Variants in GNB4 observed in about 807,000 individuals in gnomAD.
GNB4 encodes the protein guanine nucleotide-binding protein subunit beta-4.
A neutral mutation model predicts 45.2 loss-of-function variants in GNB4; 28 were observed. The observed-to-expected ratio is 0.62, with a 90% confidence interval of 0.46 to 0.85. GNB4 has a LOEUF of 0.85. GNB4 is among the 40% of genes least tolerant of loss of function. GNB4 has a pLI of 0.00. For synonymous variants in GNB4, 132 were observed against 143.7 expected, an observed-to-expected ratio of 0.92 and a Z score of 0.58; for missense variants, 321 against 425.4, an observed-to-expected ratio of 0.75 and a Z score of 2.16.
the GNB4 span, among the ~76,000 whole-genome samples, chr3:179,492,151 C>T: frequency 1.3e-5 from 2 of 152,118 alleles, no homozygotes; most frequent in Admixed American, 1.3e-4. Flanking sequence ...TATCTCTTCC[C>T]TTTGTGGGAA....
At chr3:179,419,961 A>T (rs867642287) in intron 3 of GNB4, among the ~76,000 whole-genome samples, 69 of 151,972 alleles carry the variant, frequency 4.5e-4, no homozygotes, top group Non-Finnish European at 7.1e-4. Context: ...AAGATTTTTT[A>T]AAAATATTAG....
intron 1 of GNB4, among the ~76,000 whole-genome samples, chr3:179,448,971 A>G (rs1303582339): frequency 6.6e-6 from 1 of 152,204 alleles, no homozygotes; most frequent in Non-Finnish European, 1.5e-5. Context: ...AGAACACTGG[A>G]TCAAGAAACC....
chr3:179,523,047 T>C, the GNB4 span, among the ~76,000 whole-genome samples: 1 of 152,044 alleles, frequency 6.6e-6, no homozygotes, highest in Admixed American at 6.6e-5. Context: ...GGTTTGCTTT[T>C]GTGAGTTCAT....
rs150874722 is a variant in GNB4 at position 179,428,060 on chromosome 3, G to A, written c.-42-1818C>T. Among the ~76,000 whole-genome samples, 546 of 152,188 alleles carry A rather than the reference G, an allele frequency of 3.6e-3. 3 individuals are homozygous for A. Among genetic ancestry groups the A allele is most frequent in the Middle Eastern group, 0.01 (3 of 294 alleles). Reference sequence around the variant, plus strand: ...TGGTTTTGATGTCTATGCTACAATCGCATCAACTATGGTACAAATATCTGT... The same window carrying A: ...TGGTTTTGATGTCTATGCTACAATCACATCAACTATGGTACAAATATCTGT... On this transcript the variant is annotated intron_variant, in intron 1 of 9. Transcript: ENST00000232564.
chr3:179,407,860 ACCT>A (rs1174543009), intron 8 of GNB4, among the ~76,000 whole-genome samples: 1 of 152,144 alleles, frequency 6.6e-6, no homozygotes, highest in East Asian at 1.9e-4. Flanking sequence ...CAGAGGGAAA[ACCT>A]CATAATAACC....
At chr3:179,411,949 A>C (rs1420638588) in intron 8 of GNB4, among the ~76,000 whole-genome samples, 2 of 152,138 alleles carry the variant, frequency 1.3e-5, no homozygotes. Flanking sequence ...TGCTTAGGTA[A>C]CCTAACTCAA....
At chr3:179,462,684 C>G in the GNB4 span, among the ~76,000 whole-genome samples, 1 of 152,022 alleles carries the variant, frequency 6.6e-6, no homozygotes, top group Non-Finnish European at 1.5e-5. Context: ...ACTAAAAATA[C>G]AAAATTAGCT....
At chr3:179,477,476 C>T in the GNB4 span, among the ~76,000 whole-genome samples, 1 of 152,280 alleles carries the variant, frequency 6.6e-6, no homozygotes, top group South Asian at 2.1e-4. Flanking sequence ...ATAAGAATGG[C>T]CTTTGCTCCA....
At chr3:179,514,423 C>T in the GNB4 span, among the ~76,000 whole-genome samples, 1 of 152,188 alleles carries the variant, frequency 6.6e-6, no homozygotes, top group Admixed American at 6.5e-5. Flanking sequence ...ACTTAGGTTG[C>T]ACCTTCTCTG....
the GNB4 span, among the ~76,000 whole-genome samples, chr3:179,477,338 C>G: frequency 6.6e-6 from 1 of 152,270 alleles, no homozygotes; most frequent in Admixed American, 6.5e-5. Flanking sequence ...AGGGTAGCCA[C>G]ACAGCTCCTT....
At chr3:179,409,808 CA>C (rs56675254) in intron 8 of GNB4, among the ~76,000 whole-genome samples, 2,189 of 106,654 alleles carry the variant, frequency 0.021, 47 homozygotes, top group African/African-American at 0.078. Flanking sequence ...GACTCTGTCT[CA>C]AAAAAAAAAA....
intron 1 of GNB4, among the ~76,000 whole-genome samples, chr3:179,432,339 TA>T (rs397716057): frequency 6.6e-6 from 1 of 151,138 alleles, no homozygotes; most frequent in South Asian, 2.1e-4. Context: ...TTTCACTCTT[TA>T]AAAAAAAACA....
At chr3:179,472,852 C>T in the GNB4 span, among the ~76,000 whole-genome samples, 2 of 152,090 alleles carry the variant, frequency 1.3e-5, no homozygotes, top group African/African-American at 4.8e-5. Flanking sequence ...CCAAGGACAC[C>T]AAATTCACTC....
the GNB4 span, among the ~76,000 whole-genome samples, chr3:179,504,844 AC>A: frequency 6.6e-6 from 1 of 152,202 alleles, no homozygotes; most frequent in East Asian, 1.9e-4. Context: ...TGACAAGATG[AC>A]CCTAAGAGAA....
At chr3:179,481,045 G>T in the GNB4 span, among the ~76,000 whole-genome samples, 1 of 151,730 alleles carries the variant, frequency 6.6e-6, no homozygotes, top group Non-Finnish European at 1.5e-5. Flanking sequence ...TAGAGACGGG[G>T]TTTCACCGTG....
At chr3:179,492,443 C>T in the GNB4 span, among the ~76,000 whole-genome samples, 2 of 152,000 alleles carry the variant, frequency 1.3e-5, no homozygotes, top group African/African-American at 4.8e-5. Flanking sequence ...TCCACCACCC[C>T]CAGAGTCATG....
Position 179,405,417 on chromosome 3 carries a change from A to G in GNB4, c.700-11T>C. The G allele has an allele frequency of 6.3e-7, 1 of 1,578,246 alleles. No individual in the cohort carries two copies. The highest frequency in any genetic ancestry group is 8.7e-7 in the Non-Finnish European group (1 of 1,150,222). On this transcript the variant is annotated splice_polypyrimidine_tract_variant and intron_variant, in intron 8 of 9. Coordinates refer to ENST00000232564, the MANE Select transcript of GNB4 (RefSeq NM_021629.4). ...TCCATTTGGGAAAAACTAGACAGGA[A>G]AGTAACAAACATTTATTCTACAGAT...
At chr3:179,425,620 A>G (rs35408910) in intron 2 of GNB4, among the ~76,000 whole-genome samples, 7 of 151,028 alleles carry the variant, frequency 4.6e-5, no homozygotes, top group African/African-American at 1.2e-4. Flanking sequence ...ACAGGTGTGC[A>G]CCACCACGCC....
intron 1 of GNB4, chr3:179,451,016 G>A (rs1012471496): frequency 1.3e-5 from 2 of 152,272 alleles, no homozygotes; most frequent in Non-Finnish European, 2.9e-5. Flanking sequence ...GCCTCGGGGA[G>A]TGACGAGAAA....
Sources: allele counts gnomAD v4.1 joint callset (sites outside exome capture counted in the v4.1 genomes callset), GRCh38; gene constraint gnomAD v4.1.1; transcripts MANE v1.5; gene names NCBI Gene and HGNC (gene_info 2026-07-23, HGNC 2026-07-21).